Variants in PTPRD observed in about 807,000 individuals in gnomAD.
The protein encoded by PTPRD is receptor-type tyrosine-protein phosphatase delta.
PTPRD carries 34 observed loss-of-function variants against 214.5 expected under a neutral mutation model. The ratio of observed to expected loss-of-function variants is 0.16; its 90% CI spans 0.12 to 0.21. The LOEUF (loss-of-function observed/expected upper bound fraction) is 0.21. Ranked by LOEUF, PTPRD falls within the 10% of genes least tolerant of loss-of-function variation. The probability of loss-of-function intolerance (pLI) is 1.00; values close to 1 mark genes in which losing one functional copy is unlikely to be tolerated. For synonymous variants in PTPRD, 1,128 were observed against 845.7 expected (o/e 1.33, Z -5.79); for missense variants, 2,545 against 2,398.7 (o/e 1.06, Z -1.27).
intron 11 of PTPRD, among the ~76,000 whole-genome samples, chr9:8,775,114 C>G (rs1032377058): frequency 6.6e-6 from 1 of 152,076 alleles, no homozygotes; most frequent in African/African-American, 2.4e-5. Flanking sequence ...TTGGAATGAA[C>G]TTTGAATCAA....
At chr9:9,917,029 A>G (rs1470633134) in intron 5 of PTPRD, among the ~76,000 whole-genome samples, 4 of 151,730 alleles carry the variant, frequency 2.6e-5, no homozygotes, top group Non-Finnish European at 5.9e-5. Context: ...TGGAAACACA[A>G]TGTACCAAAA....
intron 35 of PTPRD, among the ~76,000 whole-genome samples, chr9:8,416,487 C>T (rs2131334367): frequency 6.6e-6 from 1 of 152,248 alleles, no homozygotes; most frequent in East Asian, 1.9e-4. Context: ...TTGCAGAATA[C>T]TTTTCACAAC....
intron 14 of PTPRD, among the ~76,000 whole-genome samples, chr9:8,562,415 A>T (rs962308703): frequency 2.0e-5 from 3 of 151,516 alleles, no homozygotes; most frequent in African/African-American, 4.8e-5. Context: ...TTCTCATAAT[A>T]ATTTATTTAT....
chr9:10,425,604 C>A (rs1373480069), intron 2 of PTPRD, among the ~76,000 whole-genome samples: 1 of 151,960 alleles, frequency 6.6e-6, no homozygotes, highest in Admixed American at 6.6e-5. Context: ...AAATGCTAAT[C>A]ATCTCTGGAT....
At chr9:8,726,739 T>A (rs1231008623) in intron 12 of PTPRD, among the ~76,000 whole-genome samples, 1 of 142,942 alleles carries the variant, frequency 7.0e-6, no homozygotes, top group Non-Finnish European at 1.5e-5. Context: ...AGATGGAGTT[T>A]GCAGTGAGCC....
intron 7 of PTPRD, among the ~76,000 whole-genome samples, chr9:9,726,480 A>T (rs2098094088): frequency 6.6e-6 from 1 of 152,120 alleles, no homozygotes; most frequent in Non-Finnish European, 1.5e-5. Context: ...CCTACCACTT[A>T]CCATTGTTCA....
Position 9,342,679 on chromosome 9 carries a change from G to A in PTPRD, c.-203+54770C>T, listed in dbSNP as rs1336976293. Among the ~76,000 whole-genome samples the A allele has an allele frequency of 4.0e-5, 6 of 150,526 alleles. No individual in the cohort carries two copies. The East Asian group carries it at 1.0e-3, about 25-fold the overall frequency. ...ATGTGGTTACCTGAGTATCTTCCAA[G>A]GCAGTCTCACAAATTGTATATCTCT... On this transcript the variant is annotated intron_variant, in intron 9 of 45. Transcript: ENST00000381196.
chr9:9,259,378 T>C (rs2099979104), intron 9 of PTPRD, among the ~76,000 whole-genome samples: 1 of 151,864 alleles, frequency 6.6e-6, no homozygotes, highest in South Asian at 2.1e-4. Context: ...AATTTAGTAA[T>C]GTGCTTACAG....
intron 8 of PTPRD, among the ~76,000 whole-genome samples, chr9:9,416,676 A>C (rs2077086955): frequency 6.6e-6 from 1 of 152,108 alleles, no homozygotes; most frequent in Admixed American, 6.5e-5. Context: ...CTTTCTCCTA[A>C]GAATATCTGT....
chr9:9,020,766 C>T (rs1292933719), intron 10 of PTPRD, among the ~76,000 whole-genome samples: 9 of 152,016 alleles, frequency 5.9e-5, no homozygotes, highest in East Asian at 1.9e-4. Flanking sequence ...GAATTGCCAG[C>T]ATATATCTAA....
chr9:9,925,262 G>C (rs879617480), intron 5 of PTPRD, among the ~76,000 whole-genome samples: 1 of 151,778 alleles, frequency 6.6e-6, no homozygotes, highest in African/African-American at 2.4e-5. Flanking sequence ...CTTATTACAG[G>C]GTAGGATAAA....
chr9:9,989,325 C>T (rs2095832598), intron 4 of PTPRD, among the ~76,000 whole-genome samples: 1 of 152,086 alleles, frequency 6.6e-6, no homozygotes. Context: ...CAAAACCACC[C>T]TAGCCTTCTC....
chr9:10,300,861 GC>G, intron 3 of PTPRD, among the ~76,000 whole-genome samples: 1 of 152,238 alleles, frequency 6.6e-6, no homozygotes, highest in African/African-American at 2.4e-5. Flanking sequence ...AAACATTCCT[GC>G]CTGATAGCTC....
At chr9:10,078,279 G>A (rs759677510) in intron 3 of PTPRD, among the ~76,000 whole-genome samples, 139 of 150,670 alleles carry the variant, frequency 9.2e-4, no homozygotes, top group Non-Finnish European at 1.6e-3. Context: ...TTGGGAGGCT[G>A]AGGTGGGCAG....
At chr9:8,404,119 T>C (rs569191220) in intron 36 of PTPRD, among the ~76,000 whole-genome samples, 1 of 152,200 alleles carries the variant, frequency 6.6e-6, no homozygotes, top group African/African-American at 2.4e-5. Flanking sequence ...GTTTGAATCT[T>C]AATTACTTTC....
intron 8 of PTPRD, among the ~76,000 whole-genome samples, chr9:9,521,645 C>T (rs1363618136): frequency 6.6e-6 from 1 of 152,058 alleles, no homozygotes; most frequent in Non-Finnish European, 1.5e-5. Flanking sequence ...AAGAGATTTC[C>T]TTTAGGAAAT....
chr9:9,818,374 C>T (rs2049471562), intron 5 of PTPRD, among the ~76,000 whole-genome samples: 1 of 152,092 alleles, frequency 6.6e-6, no homozygotes, highest in Non-Finnish European at 1.5e-5. Context: ...GTTTCTTCTG[C>T]TCATTAACCA....
chr9:8,741,866 G>C (rs897503239), intron 11 of PTPRD, among the ~76,000 whole-genome samples: 1 of 151,882 alleles, frequency 6.6e-6, no homozygotes, highest in East Asian at 1.9e-4. Flanking sequence ...TGGGATTACA[G>C]GCGTGAGCCA....
At chr9:9,604,653 T>C (rs2094022136) in intron 7 of PTPRD, among the ~76,000 whole-genome samples, 1 of 152,108 alleles carries the variant, frequency 6.6e-6, no homozygotes, top group African/African-American at 2.4e-5. Context: ...TTGTCAAAAA[T>C]ATTGAGTTTT....
Sources: allele counts gnomAD v4.1 joint callset (sites outside exome capture counted in the v4.1 genomes callset), GRCh38; gene constraint gnomAD v4.1.1; transcripts MANE v1.5; gene names NCBI Gene and HGNC (gene_info 2026-07-23, HGNC 2026-07-21).